Variants in TG observed in about 807,000 individuals in gnomAD.
TG encodes thyroglobulin.
Under a neutral mutation model 324.7 loss-of-function variants are expected in TG, and 270 were observed. The observed-to-expected ratio is 0.83, with a 90% CI of 0.75 to 0.92. The LOEUF is 0.92. Among genes scored for constraint, TG ranks in the 40% least tolerant of loss-of-function variants. The probability of loss-of-function intolerance (pLI) is 0.00; values close to 1 mark genes in which losing one functional copy is unlikely to be tolerated. For missense variants in TG, 3,591 were observed against 3,456.4 expected (o/e 1.04, Z -0.98); for synonymous variants, 1,401 against 1,327.0 (o/e 1.06, Z -1.21).
chr8:133,122,244 C>G (rs1851201680), intron 45 of TG, among the ~76,000 whole-genome samples: 1 of 152,132 alleles, frequency 6.6e-6, no homozygotes, highest in South Asian at 2.1e-4. Context: ...TGAGGGCAAA[C>G]TTCTATGGGG....
intron 34 of TG, among the ~76,000 whole-genome samples, chr8:132,976,885 G>A (rs1830239424): frequency 6.6e-6 from 1 of 152,168 alleles, no homozygotes; most frequent in South Asian, 2.1e-4. Context: ...GGTGGGATAA[G>A]TCTTAAGACT....
chr8:133,095,007 T>C, intron 41 of TG, 37 bp from the exon 42 acceptor site: 1 of 1,612,272 alleles, frequency 6.2e-7, no homozygotes, highest in Non-Finnish European at 8.5e-7. Flanking sequence ...CTGAAGATGA[T>C]CTGAACCATC....
intron 20 of TG, among the ~76,000 whole-genome samples, chr8:132,914,870 G>T (rs1382294420): frequency 2.0e-5 from 3 of 152,180 alleles, no homozygotes; most frequent in Non-Finnish European, 4.4e-5. Flanking sequence ...GAGAGCACCT[G>T]CCCCATGTTC....
At chr8:132,895,103 C>T (rs762585470) in intron 11 of TG, among the ~76,000 whole-genome samples, 46 of 152,254 alleles carry the variant, frequency 3.0e-4, no homozygotes, top group Non-Finnish European at 4.1e-4. Flanking sequence ...GCTGCTCTGG[C>T]AGGAGAACAG....
intron 16 of TG, among the ~76,000 whole-genome samples, chr8:132,902,489 G>A (rs1818069470): frequency 6.6e-6 from 1 of 152,104 alleles, no homozygotes; most frequent in Admixed American, 6.6e-5. Flanking sequence ...CCCTGAACCT[G>A]TGCTGTGTCC....
At chr8:133,104,984 T>C (rs1849673345) in intron 43 of TG, among the ~76,000 whole-genome samples, 1 of 152,224 alleles carries the variant, frequency 6.6e-6, no homozygotes, top group Non-Finnish European at 1.5e-5. Context: ...TGGTCTTCAA[T>C]TCATGTCCCT....
intron 41 of TG, among the ~76,000 whole-genome samples, chr8:133,057,466 G>A (rs1841652376): frequency 6.6e-6 from 1 of 152,188 alleles, no homozygotes. Flanking sequence ...ATATAACCTG[G>A]TGCAGTCAGG....
chr8:132,897,544 G>A, intron 11 of TG, 105 bp from the exon 12 acceptor site: 1 of 1,469,836 alleles, frequency 6.8e-7, no homozygotes, highest in Non-Finnish European at 9.5e-7. Context: ...AAATAAATAA[G>A]AAGGCCTCCT....
At chr8:133,019,219 TA>T (rs925540111) in intron 38 of TG, among the ~76,000 whole-genome samples, 44 of 152,214 alleles carry the variant, frequency 2.9e-4, no homozygotes, top group Non-Finnish European at 4.1e-4. Context: ...TAGGACTCTG[TA>T]CTGGTGTAGA....
intron 29 of TG, among the ~76,000 whole-genome samples, chr8:132,965,432 G>A (rs1828409781): frequency 1.3e-5 from 2 of 152,244 alleles, no homozygotes; most frequent in Admixed American, 6.5e-5. Flanking sequence ...CAAGGAAAGT[G>A]CAGGGCCCAA....
intron 36 of TG, 65 bp from the exon 37 acceptor site, chr8:133,013,535 A>ATGG: frequency 6.3e-7 from 1 of 1,595,330 alleles, no homozygotes. Context: ...GGATGACTGG[A>ATGG]AGAATGCATG....
intron 38 of TG, 108 bp from the exon 39 acceptor site, chr8:133,019,494 G>T: frequency 1.1e-6 from 1 of 877,304 alleles, no homozygotes; most frequent in Non-Finnish European, 1.9e-6. Flanking sequence ...CTGCAGAGCT[G>T]GTGGGATGCC....
rs750438286 is a variant in TG, at chr8:132,886,680, A to C, written c.1308A>C (p.Ser436=). The C allele has an allele frequency of 1.3e-5, 21 of 1,614,208 alleles. No individual in the cohort carries two copies. In the South Asian group the frequency reaches 2.1e-4, roughly 16 times the overall value. Residue 436 remains serine (S), a synonymous_variant, in exon 9 of 48, where the codon TCA becomes TCC. Transcript: ENST00000220616. ...GACAGAGCCAACAGTTTTCTGTCTC[A>C]GAAAATCTTCTCAAAGAAGCCATCC... The part of the protein sequence containing the change: ...VEGQSQQFSV[S]ENLLKEAIRA...
intron 41 of TG, among the ~76,000 whole-genome samples, chr8:133,083,636 A>T (rs4236895): frequency 0.018 from 2,747 of 152,166 alleles, 80 homozygotes; most frequent in African/African-American, 0.063. Flanking sequence ...TGTCAGTGCA[A>T]GAGTCAGTAA....
At chr8:132,955,452 G>A (rs1826715896) in intron 27 of TG, among the ~76,000 whole-genome samples, 1 of 152,168 alleles carries the variant, frequency 6.6e-6, no homozygotes, top group Non-Finnish European at 1.5e-5. Flanking sequence ...ATCCGTGACT[G>A]ATCACAGACC....
intron 29 of TG, chr8:132,964,668 C>A: frequency 1.8e-6 from 1 of 547,624 alleles, no homozygotes. Context: ...TCTAATACGG[C>A]ACGTAAACCA....
intron 36 of TG, among the ~76,000 whole-genome samples, chr8:133,012,411 C>T (rs1564071782): frequency 6.6e-6 from 1 of 152,104 alleles, no homozygotes; most frequent in Non-Finnish European, 1.5e-5. Flanking sequence ...GTGGGATACA[C>T]CTAAGAGCTA....
chr8:132,904,788 T>C (rs1001772811), intron 16 of TG, among the ~76,000 whole-genome samples: 4 of 152,150 alleles, frequency 2.6e-5, no homozygotes, highest in African/African-American at 9.7e-5. Context: ...TGCAGATCAT[T>C]CCTGTGGGAT....
rs1311136153 is a variant in TG at position 132,975,225 on chromosome 8, T to TAC, written c.6199+2484_6199+2485insAC. 2.6e-5 allele frequency among the ~76,000 whole-genome samples: 4 copies of TAC among 152,338 alleles called. No individual in the cohort carries two copies. The East Asian group carries it at 7.7e-4, about 29-fold the overall frequency. ...TCTCACTTCCCCCTTGCCCCATCTG[T>TAC]CCTCTTACCTCCTTACCTCACCAAA... On this transcript the variant is annotated intron_variant, in intron 34 of 47. Coordinates refer to ENST00000220616, the MANE Select transcript of TG (RefSeq NM_003235.5).
Sources: allele counts gnomAD v4.1 joint callset (sites outside exome capture counted in the v4.1 genomes callset), GRCh38; gene constraint gnomAD v4.1.1; transcripts MANE v1.5; gene names NCBI Gene and HGNC (gene_info 2026-07-23, HGNC 2026-07-21).